FSTL4: variants seen among roughly 807,000 people sequenced by gnomAD.
FSTL4 encodes the protein follistatin-related protein 4.
FSTL4 carries 28 observed loss-of-function variants against 78.2 expected under a neutral mutation model. The observed-to-expected ratio is 0.36, with a 90% CI of 0.27 to 0.49. The LOEUF (loss-of-function observed/expected upper bound fraction) is 0.49, where lower values mean the gene tolerates loss of function less well. Among genes scored for constraint, FSTL4 ranks in the 20% least tolerant of loss-of-function variants. The pLI is 0.98. For synonymous variants in FSTL4, 422 were observed against 440.5 expected, an observed-to-expected ratio of 0.96 and a Z score of 0.53; for missense variants, 922 against 1,084.9, an observed-to-expected ratio of 0.85 and a Z score of 2.11.
chr5:133,656,584 C>T, the FSTL4 span, among the ~76,000 whole-genome samples: 2 of 152,036 alleles, frequency 1.3e-5, no homozygotes, highest in Non-Finnish European at 2.9e-5. Flanking sequence ...GGACATCACA[C>T]GTCAAGTCTC....
intron 3 of FSTL4, among the ~76,000 whole-genome samples, chr5:133,491,557 G>A (rs575490637): frequency 9.9e-5 from 15 of 151,260 alleles, no homozygotes; most frequent in South Asian, 2.1e-4. Flanking sequence ...CCGCCACCAC[G>A]CCTGGCTAAT....
chr5:133,750,694 T>C, the FSTL4 span, among the ~76,000 whole-genome samples: 1 of 152,044 alleles, frequency 6.6e-6, no homozygotes, highest in Non-Finnish European at 1.5e-5. Flanking sequence ...AACATGGCCA[T>C]TGGCCTTAGG....
intron 14 of FSTL4, among the ~76,000 whole-genome samples, chr5:133,208,687 T>G (rs1026582853): frequency 6.6e-6 from 1 of 152,190 alleles, no homozygotes; most frequent in Non-Finnish European, 1.5e-5. Flanking sequence ...TTTCTTTTTT[T>G]GTTTTTTGAG....
chr5:133,357,006 A>G (rs1754957085), intron 4 of FSTL4, among the ~76,000 whole-genome samples: 1 of 152,202 alleles, frequency 6.6e-6, no homozygotes, highest in African/African-American at 2.4e-5. Flanking sequence ...GCACCCAACT[A>G]AAGGTTGCAG....
the FSTL4 span, among the ~76,000 whole-genome samples, chr5:133,709,168 C>A: frequency 1.3e-5 from 2 of 152,188 alleles, no homozygotes; most frequent in East Asian, 1.9e-4. Context: ...AGATTACAGA[C>A]CACCCCCGGG....
chr5:133,772,847 T>C, the FSTL4 span, among the ~76,000 whole-genome samples: 2 of 152,142 alleles, frequency 1.3e-5, no homozygotes, highest in African/African-American at 2.4e-5. Context: ...TAATGAACTC[T>C]GAGGGACACA....
At chr5:133,648,698 T>C in the FSTL4 span, among the ~76,000 whole-genome samples, 1 of 152,158 alleles carries the variant, frequency 6.6e-6, no homozygotes. Context: ...GTGCTGACTT[T>C]TAAAAAATGG....
At chr5:133,559,931 C>T (rs1267762348) in intron 3 of FSTL4, among the ~76,000 whole-genome samples, 2 of 152,194 alleles carry the variant, frequency 1.3e-5, no homozygotes, top group African/African-American at 4.8e-5. Context: ...AGTCAAACAA[C>T]CTGGAAGGCC....
At chr5:133,556,491 T>G (rs1357192251) in intron 3 of FSTL4, among the ~76,000 whole-genome samples, 1 of 152,148 alleles carries the variant, frequency 6.6e-6, no homozygotes, top group Non-Finnish European at 1.5e-5. Flanking sequence ...TTTGGGAGGC[T>G]GAGGCAGGTG....
At chr5:133,567,762 C>A (rs1760059455) in intron 2 of FSTL4, among the ~76,000 whole-genome samples, 1 of 152,180 alleles carries the variant, frequency 6.6e-6, no homozygotes, top group African/African-American at 2.4e-5. Context: ...CCAGTTCATG[C>A]CACTGGACTA....
the FSTL4 span, among the ~76,000 whole-genome samples, chr5:133,736,554 T>C: frequency 6.6e-6 from 1 of 152,228 alleles, no homozygotes; most frequent in Non-Finnish European, 1.5e-5. Context: ...TTGTGACTTG[T>C]GACCCTTTTT....
intron 4 of FSTL4, among the ~76,000 whole-genome samples, chr5:133,321,759 A>G (rs972375152): frequency 3.3e-5 from 5 of 152,212 alleles, no homozygotes; most frequent in African/African-American, 1.2e-4. Context: ...GTTGAACTTC[A>G]GCATTGATTA....
rs551250287 is a variant in FSTL4 at position 133,395,132 on chromosome 5, T to C, written c.409+5606A>G. Among the ~76,000 whole-genome samples the C allele has an allele frequency of 6.1e-4, 93 of 152,212 alleles. 1 individual carries two copies. The South Asian group carries it at 0.018, about 30-fold the overall frequency. On this transcript the variant is annotated intron_variant, in intron 4 of 15. Transcript: ENST00000265342. ...TCAGCAGGACGTGGGTGGGGCCAGA[T>C]AAAGGAATAAAAGCAGGCTGCCCCA...
chr5:133,396,477 A>C (rs1030042945), intron 4 of FSTL4, among the ~76,000 whole-genome samples: 1 of 152,206 alleles, frequency 6.6e-6, no homozygotes, highest in African/African-American at 2.4e-5. Flanking sequence ...GCTCCAGCAG[A>C]GTTACACTAA....
the FSTL4 span, among the ~76,000 whole-genome samples, chr5:133,758,443 A>G: frequency 2.4e-4 from 37 of 152,244 alleles, no homozygotes; most frequent in Non-Finnish European, 1.5e-4. Flanking sequence ...AACCAAGTTT[A>G]CTACAAAAGA....
intron 2 of FSTL4, among the ~76,000 whole-genome samples, chr5:133,581,989 T>C (rs896099280): frequency 3.3e-5 from 5 of 152,200 alleles, no homozygotes; most frequent in African/African-American, 1.2e-4. Context: ...CTCCCACATA[T>C]GGGGAAGGGT....
At chr5:133,563,937 A>T (rs1005359852) in intron 3 of FSTL4, among the ~76,000 whole-genome samples, 1 of 152,202 alleles carries the variant, frequency 6.6e-6, no homozygotes, top group Non-Finnish European at 1.5e-5. Flanking sequence ...GGGCCACCAT[A>T]ATAAACCACA....
intron 3 of FSTL4, among the ~76,000 whole-genome samples, chr5:133,488,591 A>G (rs1329026274): frequency 6.6e-6 from 1 of 152,254 alleles, no homozygotes; most frequent in African/African-American, 2.4e-5. Flanking sequence ...ACACAGATTG[A>G]TGACGGGACA....
the FSTL4 span, among the ~76,000 whole-genome samples, chr5:133,735,149 C>T: frequency 6.6e-6 from 1 of 152,150 alleles, no homozygotes; most frequent in Admixed American, 6.5e-5. Context: ...CCTGACCCAT[C>T]CCACAACCAA....
Sources: allele counts gnomAD v4.1 joint callset (sites outside exome capture counted in the v4.1 genomes callset), GRCh38; gene constraint gnomAD v4.1.1; transcripts MANE v1.5; gene names NCBI Gene and HGNC (gene_info 2026-07-23, HGNC 2026-07-21).